Variants in FRYL observed in about 807,000 individuals in gnomAD.
FRYL encodes FRY like transcription coactivator, also known as protein furry homolog-like.
Under a neutral mutation model 351.2 loss-of-function variants are expected in FRYL, and 150 were observed. The observed-to-expected ratio is 0.43, with a 90% CI of 0.37 to 0.49. FRYL has a LOEUF of 0.49. FRYL is among the 20% of genes least tolerant of loss of function. The probability of loss-of-function intolerance (pLI) is 0.00; values close to 1 mark genes in which losing one functional copy is unlikely to be tolerated. For synonymous variants in FRYL, 1,153 were observed against 1,257.1 expected (o/e 0.92, Z 1.75); for missense variants, 3,036 against 3,619.3 (o/e 0.84, Z 4.13).
At chr4:48,545,673 G>A (rs1731179255) in intron 42 of FRYL, among the ~76,000 whole-genome samples, 1 of 152,050 alleles carries the variant, frequency 6.6e-6, no homozygotes, top group Non-Finnish European at 1.5e-5. Flanking sequence ...GTTTTCTTGT[G>A]CTCCTGTGAT....
intron 35 of FRYL, among the ~76,000 whole-genome samples, chr4:48,553,667 A>C (rs1258238266): frequency 9.9e-5 from 15 of 152,172 alleles, no homozygotes; most frequent in African/African-American, 3.6e-4. Flanking sequence ...AAAAAAAAAA[A>C]AAAAAACAAA....
chr4:48,619,446 C>G lies in FRYL; in HGVS notation c.315-76G>C, dbSNP rs529341155. The G allele has an allele frequency of 6.9e-6, 5 of 726,094 alleles. No homozygotes were observed. The South Asian group carries it at 1.2e-4, about 17-fold the overall frequency. 45.0% of individuals were successfully genotyped at this position (726,094 alleles called of 1,614,324 possible). On this transcript the variant is annotated intron_variant, in intron 6 of 63. Transcript: ENST00000358350. ...ATACCTGTTAGTTAGTAGCTCATGT[C>G]GCTTACTGTTTTCCTACTATGTAAA...
At position 48,742,066 on chromosome 4, in the gene FRYL, A is replaced by AC. The variant is rs201742739; in HGVS notation, c.-383-31369dup. ...TAGCTTCATTAATTGTAGCAAATGTACCCCCCTGGAGGGGTATGTTGACAA... is the reference window on the plus strand; with the variant it reads ...TAGCTTCATTAATTGTAGCAAATGTACCCCCCCTGGAGGGGTATGTTGACAA... On this transcript the variant is annotated intron_variant, in intron 1 of 63. Transcript: ENST00000358350. Among the ~76,000 whole-genome samples, 1,267 of 152,086 alleles carry AC rather than the reference A, an allele frequency of 8.3e-3. 17 individuals carry two copies. The highest frequency in any genetic ancestry group is 0.013 in the Non-Finnish European group (900 of 67,992).
intron 1 of FRYL, among the ~76,000 whole-genome samples, chr4:48,725,448 C>G (rs950092703): frequency 6.6e-5 from 10 of 152,188 alleles, no homozygotes; most frequent in African/African-American, 2.4e-4. Flanking sequence ...ATCCCCTTAT[C>G]CAGGTTTCAT....
intron 35 of FRYL, among the ~76,000 whole-genome samples, chr4:48,555,030 A>G (rs1166909116): frequency 6.6e-6 from 1 of 152,212 alleles, no homozygotes; most frequent in African/African-American, 2.4e-5. Flanking sequence ...ATAGATTCTG[A>G]GATTTAAATA....
intron 3 of FRYL, among the ~76,000 whole-genome samples, chr4:48,643,615 C>T (rs1755758070): frequency 6.6e-6 from 1 of 152,028 alleles, no homozygotes; most frequent in African/African-American, 2.4e-5. Flanking sequence ...TCAACACCAT[C>T]CTGGAGATGA....
At chr4:48,529,803 T>A (rs1346981300) in intron 50 of FRYL, among the ~76,000 whole-genome samples, 2 of 152,046 alleles carry the variant, frequency 1.3e-5, no homozygotes, top group African/African-American at 4.8e-5. Flanking sequence ...TGGGCTCAGG[T>A]GCCAGAGGGA....
chr4:48,560,097 C>G (rs1260301755), intron 33 of FRYL, among the ~76,000 whole-genome samples: 1 of 151,898 alleles, frequency 6.6e-6, no homozygotes, highest in African/African-American at 2.4e-5. Flanking sequence ...GGGTTAGGAG[C>G]AGGTGTGAAG....
chr4:48,755,753 CAT>C (rs2109349740), intron 1 of FRYL, among the ~76,000 whole-genome samples: 1 of 152,182 alleles, frequency 6.6e-6, no homozygotes, highest in East Asian at 1.9e-4. Flanking sequence ...GGCTTCAAAA[CAT>C]ACTGAGATTT....
At chr4:48,666,872 C>T (rs1026725299) in intron 3 of FRYL, among the ~76,000 whole-genome samples, 11 of 151,920 alleles carry the variant, frequency 7.2e-5, no homozygotes, top group African/African-American at 2.7e-4. Context: ...TTTAGAAACA[C>T]AAAAACCCAT....
In FRYL at chr4:48,557,448, T is replaced by C. The variant is rs758700150; in HGVS notation, c.4125+5A>G. On this transcript the variant is annotated splice_donor_5th_base_variant and intron_variant, in intron 34 of 63. Transcript: ENST00000358350. ...CAGCAATTATAAATACAAAACTCAT[T>C]TTACCTTTGCTGTCATATACATCAG... The C allele has an allele frequency of 6.2e-7, 1 of 1,613,580 alleles. No homozygotes were observed. The highest frequency in any genetic ancestry group is 8.5e-7 in the Non-Finnish European group (1 of 1,179,574).
intron 1 of FRYL, among the ~76,000 whole-genome samples, chr4:48,774,809 T>C (rs1469725034): frequency 2.0e-5 from 3 of 152,110 alleles, no homozygotes; most frequent in African/African-American, 7.2e-5. Flanking sequence ...AGTCTCCGAG[T>C]GCCGGGATTA....
In FRYL at chr4:48,527,549, A is replaced by G; in HGVS notation, c.7245T>C (p.Asp2415=). 6.2e-7 allele frequency: 1 copy of G among 1,613,296 alleles called. No homozygotes were observed. Among genetic ancestry groups the G allele is most frequent in the Non-Finnish European group, 8.5e-7 (1 of 1,179,476 alleles). Residue 2415 remains aspartate, a synonymous_variant, in exon 53 of 64, where the codon GAT becomes GAC. Transcript: ENST00000358350. ...INQEEEVAVE[D]NSSEQQFGVF... ...CACCAAACTGTTGTTCACTGCTATTATCTTCCACAGCTACTTCTTCCTCTT... is the reference window on the plus strand; with the variant it reads ...CACCAAACTGTTGTTCACTGCTATTGTCTTCCACAGCTACTTCTTCCTCTT...
intron 19 of FRYL, among the ~76,000 whole-genome samples, chr4:48,586,307 C>T (rs1742098079): frequency 6.6e-6 from 1 of 151,886 alleles, no homozygotes; most frequent in Non-Finnish European, 1.5e-5. Flanking sequence ...TTATCATACA[C>T]TGATAATGCC....
intron 55 of FRYL, among the ~76,000 whole-genome samples, chr4:48,518,601 T>C (rs1724168280): frequency 6.6e-6 from 1 of 152,242 alleles, no homozygotes; most frequent in Non-Finnish European, 1.5e-5. Context: ...TGACAGTGCC[T>C]TGGCCCACCC....
At chr4:48,657,376 G>A (rs7667288) in intron 3 of FRYL, among the ~76,000 whole-genome samples, 71,875 of 132,770 alleles carry the variant, frequency 0.54, 19,066 homozygotes, top group South Asian at 0.63. Context: ...TTTTTTTGGA[G>A]AAGTAGGTTC....
At chr4:48,610,747 T>C in intron 7 of FRYL, among the ~76,000 whole-genome samples, 1 of 146,092 alleles carries the variant, frequency 6.8e-6, no homozygotes, top group South Asian at 2.1e-4. Flanking sequence ...TATTATATAT[T>C]GTATATATAC....
intron 1 of FRYL, among the ~76,000 whole-genome samples, chr4:48,711,529 C>T (rs905845198): frequency 3.9e-5 from 6 of 152,112 alleles, no homozygotes; most frequent in African/African-American, 1.5e-4. Context: ...CCCACCATTG[C>T]CCAGGCTTGC....
intron 1 of FRYL, among the ~76,000 whole-genome samples, chr4:48,776,100 A>G (rs547364199): frequency 7.8e-4 from 118 of 151,178 alleles, no homozygotes; most frequent in Non-Finnish European, 1.3e-3. Context: ...ATAAACAACC[A>G]CTAACAATGT....
Sources: allele counts gnomAD v4.1 joint callset (sites outside exome capture counted in the v4.1 genomes callset), GRCh38; gene constraint gnomAD v4.1.1; transcripts MANE v1.5; gene names NCBI Gene and HGNC (gene_info 2026-07-23, HGNC 2026-07-21).